Variants in DOCK1 observed in about 807,000 individuals in gnomAD.
The protein encoded by DOCK1 is dedicator of cytokinesis 1, also known as dedicator of cytokinesis protein 1.
Under a neutral mutation model 262.7 loss-of-function variants are expected in DOCK1, and 138 were observed. That is an observed-to-expected ratio of 0.53 (90% confidence interval 0.46 to 0.61). The LOEUF (loss-of-function observed/expected upper bound fraction) is 0.61. DOCK1 is among the 20% of genes least tolerant of loss of function. DOCK1 has a pLI of 0.00. For synonymous variants in DOCK1, 866 were observed against 867.4 expected (o/e 1.00, Z 0.03); for missense variants, 1,908 against 2,370.7 (o/e 0.80, Z 4.05).
intron 29 of DOCK1, among the ~76,000 whole-genome samples, chr10:127,313,032 A>C (rs923704184): frequency 6.6e-6 from 1 of 151,992 alleles, no homozygotes; most frequent in Non-Finnish European, 1.5e-5. Flanking sequence ...GCTGCAAACA[A>C]ACTGAAGCTC....
chr10:127,326,348 A>C (rs1297103524), intron 29 of DOCK1, among the ~76,000 whole-genome samples: 2 of 152,230 alleles, frequency 1.3e-5, no homozygotes, highest in Non-Finnish European at 1.5e-5. Flanking sequence ...TTTGGCAACT[A>C]ACTTTATGTA....
chr10:127,266,109 T>C (rs746637609), intron 29 of DOCK1, among the ~76,000 whole-genome samples: 4 of 152,226 alleles, frequency 2.6e-5, no homozygotes, highest in Non-Finnish European at 4.4e-5. Context: ...AACCTGTGGA[T>C]GGCCAAGTCA....
intron 7 of DOCK1, among the ~76,000 whole-genome samples, 188 bp downstream of exon 7, chr10:126,997,071 AG>A (rs1044324180): frequency 5.5e-5 from 8 of 146,736 alleles, no homozygotes; most frequent in African/African-American, 2.2e-4. Context: ...ATGACATGAA[AG>A]GGGGTCGGAC....
chr10:127,256,116 T>C (rs905848713), intron 28 of DOCK1, among the ~76,000 whole-genome samples: 3 of 152,098 alleles, frequency 2.0e-5, no homozygotes, highest in African/African-American at 4.8e-5. Context: ...TCTAATAGAG[T>C]GATCAGGATC....
intron 1 of DOCK1, among the ~76,000 whole-genome samples, chr10:126,938,812 TGAACACAGGAGGGGAC>T (rs2034742722): frequency 2.1e-5 from 1 of 48,228 alleles, no homozygotes; most frequent in African/African-American, 6.4e-5. Context: ...CCGGAGGGGA[TGAACACAGGAGGGGAC>T]GAACACAGGA....
At chr10:127,261,885 C>T (rs1316584698) in intron 29 of DOCK1, among the ~76,000 whole-genome samples, 3 of 94,726 alleles carry the variant, frequency 3.2e-5, no homozygotes, top group Admixed American at 1.2e-4. Flanking sequence ...TGTACCCGTG[C>T]TCATCTGTGT....
intron 17 of DOCK1, 55 bp from the exon 18 acceptor site, chr10:127,032,082 T>C (rs1053801042): frequency 3.2e-6 from 5 of 1,551,632 alleles, no homozygotes; most frequent in Admixed American, 2.0e-5. Flanking sequence ...GTGGCAAAAA[T>C]GGTGTGTTGC....
At chr10:127,136,488 A>T (rs987148194) in intron 27 of DOCK1, 2 of 152,418 alleles carry the variant, frequency 1.3e-5, no homozygotes, top group Admixed American at 6.5e-5. Context: ...CAAAAAAAAA[A>T]AAAAAGGCAA....
intron 10 of DOCK1, among the ~76,000 whole-genome samples, chr10:127,008,029 GTTAAAT>G (rs1468181079): frequency 2.0e-5 from 3 of 152,212 alleles, no homozygotes; most frequent in Non-Finnish European, 4.4e-5. Flanking sequence ...CATGTGACTA[GTTAAAT>G]TTAAATTAAA....
chr10:127,306,533 C>T (rs2061883489), intron 29 of DOCK1, among the ~76,000 whole-genome samples: 1 of 152,088 alleles, frequency 6.6e-6, no homozygotes, highest in East Asian at 1.9e-4. Flanking sequence ...TCATACGTTA[C>T]AAGCACAGCT....
At chr10:127,192,409 A>G (rs936243084) in intron 27 of DOCK1, among the ~76,000 whole-genome samples, 10 of 152,216 alleles carry the variant, frequency 6.6e-5, no homozygotes, top group Non-Finnish European at 1.3e-4. Flanking sequence ...TCTCAGTCCC[A>G]ATTAGAGCTG....
chr10:127,347,414 G>A (rs182268977), intron 31 of DOCK1, among the ~76,000 whole-genome samples: 12 of 152,348 alleles, frequency 7.9e-5, no homozygotes, highest in East Asian at 5.8e-4. Flanking sequence ...GGGCTCAGCC[G>A]TGGGAGACAG....
chr10:127,032,934 TAAAGG>T (rs762470629), intron 18 of DOCK1, among the ~76,000 whole-genome samples: 38 of 152,244 alleles, frequency 2.5e-4, no homozygotes, highest in Non-Finnish European at 4.3e-4. Context: ...TAGCGTGACA[TAAAGG>T]AAAGTGCACA....
chr10:127,220,201 G>C (rs2134428473), intron 27 of DOCK1, among the ~76,000 whole-genome samples: 1 of 151,938 alleles, frequency 6.6e-6, no homozygotes, highest in Admixed American at 6.6e-5. Flanking sequence ...CTCAGTTGAT[G>C]TGATATTTAA....
chr10:126,931,091 C>T (rs1293256524), intron 1 of DOCK1, among the ~76,000 whole-genome samples: 1 of 151,976 alleles, frequency 6.6e-6, no homozygotes, highest in Non-Finnish European at 1.5e-5. Flanking sequence ...TGCTGCACGC[C>T]CACCGAGCCA....
rs138126600 is a variant in DOCK1 at position 127,167,707 on chromosome 10, C to T, written c.2847+39943C>T. ...CTAAAACAAAATCCAGGTCTCCTGA[C>T]GCTACATCAGCTCCCCTGCCCGTGA... is the stretch of plus-strand genomic sequence containing the variant. On this transcript the variant is annotated intron_variant, in intron 27 of 51. Coordinates refer to ENST00000623213, the MANE Select transcript of DOCK1 (RefSeq NM_001290223.2). 7.9e-3 allele frequency among the ~76,000 whole-genome samples: 1,198 copies of T among 152,236 alleles called. 6 individuals are homozygous for T. The highest frequency in any genetic ancestry group is 0.013 in the Non-Finnish European group (887 of 68,008).
intron 29 of DOCK1, among the ~76,000 whole-genome samples, chr10:127,300,942 T>A (rs1035461031): frequency 1.3e-5 from 2 of 152,204 alleles, no homozygotes; most frequent in Non-Finnish European, 2.9e-5. Flanking sequence ...GCTGGGCGCA[T>A]CCGCTCACTG....
intron 22 of DOCK1, 63 bp from the exon 23 acceptor site, chr10:127,061,605 A>T: frequency 7.2e-7 from 1 of 1,384,526 alleles, no homozygotes; most frequent in Admixed American, 2.0e-5. Flanking sequence ...GGCTATAGAC[A>T]TGGATTCAAA....
chr10:127,343,868 G>C (rs2063526086), intron 31 of DOCK1, 122 bp downstream of exon 31: 3 of 836,380 alleles, frequency 3.6e-6, no homozygotes, highest in Non-Finnish European at 5.5e-6. Context: ...TAATGAAAGG[G>C]TGGTTTTAAA....
Sources: allele counts gnomAD v4.1 joint callset (sites outside exome capture counted in the v4.1 genomes callset), GRCh38; gene constraint gnomAD v4.1.1; transcripts MANE v1.5; gene names NCBI Gene and HGNC (gene_info 2026-07-23, HGNC 2026-07-21).